Variants in ATP9A observed in about 807,000 individuals in gnomAD.
ATP9A encodes the protein probable phospholipid-transporting ATPase IIA.
ATP9A carries 52 observed loss-of-function variants against 144.1 expected under a neutral mutation model. That is an observed-to-expected ratio of 0.36 (90% CI 0.29 to 0.45). ATP9A has a LOEUF of 0.45. Among genes scored for constraint, ATP9A ranks in the 20% least tolerant of loss-of-function variants. The pLI is 1.00. For missense variants in ATP9A, 947 were observed against 1,392.7 expected, an observed-to-expected ratio of 0.68 and a Z score of 5.09; for synonymous variants, 582 against 557.4, an observed-to-expected ratio of 1.04 and a Z score of -0.62.
At chr20:51,669,216 A>G (rs544356880) in intron 13 of ATP9A, among the ~76,000 whole-genome samples, 30 of 152,256 alleles carry the variant, frequency 2.0e-4, no homozygotes, top group South Asian at 1.9e-3. Context: ...CCAGGGTATC[A>G]AGCCCAAATA....
chr20:51,614,213 T>C (rs2077194687), intron 22 of ATP9A, among the ~76,000 whole-genome samples: 1 of 152,202 alleles, frequency 6.6e-6, no homozygotes, highest in South Asian at 2.1e-4. Flanking sequence ...AGATAGGATA[T>C]TCCTGAATAC....
chr20:51,689,590 T>C (rs1478702101), intron 8 of ATP9A, among the ~76,000 whole-genome samples: 1 of 150,322 alleles, frequency 6.7e-6, no homozygotes, highest in African/African-American at 2.4e-5. Context: ...CAGGCTGGAG[T>C]GCAGTGGCGC....
intron 9 of ATP9A, among the ~76,000 whole-genome samples, chr20:51,680,223 C>CT (rs1227354076): frequency 1.9e-5 from 1 of 53,060 alleles, no homozygotes; most frequent in Non-Finnish European, 3.4e-5. Flanking sequence ...GTGAGACTGT[C>CT]TTAAAAAAAA....
intron 6 of ATP9A, among the ~76,000 whole-genome samples, chr20:51,694,980 T>G (rs2122825048): frequency 6.6e-6 from 1 of 152,372 alleles, no homozygotes; most frequent in East Asian, 1.9e-4. Flanking sequence ...TTTCAAAGGC[T>G]GTTTTAATCT....
chr20:51,630,845 A>G (rs1455358321), intron 15 of ATP9A, among the ~76,000 whole-genome samples: 3 of 152,184 alleles, frequency 2.0e-5, no homozygotes, highest in Non-Finnish European at 2.9e-5. Context: ...CACAAATTAC[A>G]GGTGATGAAA....
chr20:51,716,164 G>T (rs1284677931), intron 3 of ATP9A, among the ~76,000 whole-genome samples: 1 of 151,982 alleles, frequency 6.6e-6, no homozygotes, highest in African/African-American at 2.4e-5. Flanking sequence ...GAAGATCTGT[G>T]TATTTTATGG....
Position 51,601,236 on chromosome 20 carries a change from G to T in ATP9A, c.3119C>A (p.Pro1040His), listed in dbSNP as rs745656063. The T allele has an allele frequency of 6.2e-7, 1 of 1,613,566 alleles. No homozygotes were observed. ...LKYLRRRFSP[P>H]SYSKLTS is the part of the protein sequence containing the mutation. ...CTATGATGTGAGCTTTGAGTAGCTG[G>T]GGGGAGAGAACCGTCTTCGCAGGTA... is the stretch of plus-strand genomic sequence containing the variant. The change falls in exon 28 of 28, where the codon CCC (proline) becomes CAC (histidine). Residue 1040 changes from proline to histidine, a missense_variant. Coordinates refer to ENST00000338821, the MANE Select transcript of ATP9A (RefSeq NM_006045.3).
At chr20:51,675,887 GAA>G (rs375688302) in intron 10 of ATP9A, among the ~76,000 whole-genome samples, 2,777 of 103,500 alleles carry the variant, frequency 0.027, 88 homozygotes, top group African/African-American at 0.08. Flanking sequence ...CTCAAAAAAA[GAA>G]AAAAAAAAAA....
chr20:51,695,019 A>C (rs1219151402), intron 6 of ATP9A, among the ~76,000 whole-genome samples: 1 of 152,218 alleles, frequency 6.6e-6, no homozygotes, highest in African/African-American at 2.4e-5. Flanking sequence ...TCCTGATTAC[A>C]TATTAGTATA....
intron 3 of ATP9A, among the ~76,000 whole-genome samples, chr20:51,719,784 C>A (rs911318209): frequency 1.6e-5 from 2 of 126,340 alleles, no homozygotes; most frequent in African/African-American, 3.3e-5. Flanking sequence ...CAGTGGCTCA[C>A]GCCTATAATC....
At chr20:51,655,585 G>A (rs145029126) in intron 14 of ATP9A, among the ~76,000 whole-genome samples, 2 of 152,214 alleles carry the variant, frequency 1.3e-5, no homozygotes, top group African/African-American at 2.4e-5. Flanking sequence ...ATGAGATACC[G>A]CTCCACACTG....
At chr20:51,655,470 G>A (rs1422116415) in intron 14 of ATP9A, among the ~76,000 whole-genome samples, 3 of 132,852 alleles carry the variant, frequency 2.3e-5, no homozygotes, top group Non-Finnish European at 4.9e-5. Context: ...ATGGATAAAG[G>A]ATATGGATAG....
chr20:51,690,152 G>A (rs921910261), intron 8 of ATP9A, among the ~76,000 whole-genome samples: 10 of 147,336 alleles, frequency 6.8e-5, no homozygotes, highest in Non-Finnish European at 1.2e-4. Context: ...CAGGCTCAGT[G>A]GCTCATGCCT....
At chr20:51,667,610 C>T (rs986610155) in intron 13 of ATP9A, among the ~76,000 whole-genome samples, 1 of 152,224 alleles carries the variant, frequency 6.6e-6, no homozygotes, top group South Asian at 2.1e-4. Context: ...CACTGCAAGT[C>T]TCAGACTCCA....
intron 3 of ATP9A, among the ~76,000 whole-genome samples, chr20:51,713,829 G>C (rs1334827253): frequency 6.6e-6 from 1 of 152,222 alleles, no homozygotes; most frequent in Non-Finnish European, 1.5e-5. Flanking sequence ...CTACAGGTTA[G>C]ATTTCTCTGC....
At chr20:51,685,574 GAAAAGAA>G (rs1055664387) in intron 9 of ATP9A, among the ~76,000 whole-genome samples, 17 of 132,776 alleles carry the variant, frequency 1.3e-4, no homozygotes, top group East Asian at 2.2e-4. Context: ...AGAAAAAAAA[GAAAAGAA>G]AAAAGAAAAG....
chr20:51,729,811 G>GCA (rs1321833297), intron 2 of ATP9A, 23 bp downstream of exon 2: 1 of 1,533,462 alleles, frequency 6.5e-7, no homozygotes, highest in East Asian at 2.3e-5. Flanking sequence ...AAAGAAAAGA[G>GCA]CACGGTCCCT....
intron 4 of ATP9A, among the ~76,000 whole-genome samples, chr20:51,704,333 C>A (rs1894863122): frequency 6.6e-6 from 1 of 151,382 alleles, no homozygotes; most frequent in Admixed American, 6.6e-5. Flanking sequence ...AAATAAATAC[C>A]TTTTGGGAAT....
Position 51,597,107 on chromosome 20 carries a change from C to T in ATP9A, c.*4104G>A, listed in dbSNP as rs895600395. The T allele has an allele frequency of 6.6e-6, 1 of 152,006 alleles. No homozygotes were observed. Among genetic ancestry groups the T allele is most frequent in the African/African-American group, 2.4e-5 (1 of 41,334 alleles). 9.4% of individuals were successfully genotyped at this position (152,006 alleles called of 1,614,324 possible). On this transcript the variant is annotated 3_prime_UTR_variant, in exon 28 of 28. Transcript: ENST00000338821. ...TTTGTTTTTTTTGCAAATACCATGC[C>T]CCCCACCTGACCCCACAAACACAAC...
Sources: gnomAD v4.1 joint callset for allele counts (sites outside exome capture counted in the v4.1 genomes callset) on GRCh38, gnomAD v4.1.1 for gene constraint, MANE v1.5 for transcripts, NCBI Gene and HGNC (gene_info 2026-07-23, HGNC 2026-07-21) for gene names.